The following EPB41L2 variants were observed in gnomAD, a reference collection of about 807,000 sequenced individuals.
The protein encoded by EPB41L2 is erythrocyte membrane protein band 4.1 like 2, also known as band 4.1-like protein 2.
In EPB41L2, 43 loss-of-function variants were observed where a neutral mutation model predicts 113.0. The observed-to-expected ratio is 0.38, with a 90% CI of 0.30 to 0.49. The LOEUF (loss-of-function observed/expected upper bound fraction) is 0.49. EPB41L2 is among the 20% of genes least tolerant of loss of function. The pLI, the probability that EPB41L2 is intolerant of heterozygous loss-of-function variation, is 0.95. For missense variants in EPB41L2, 1,147 were observed against 1,223.4 expected (o/e 0.94, Z 0.93); for synonymous variants, 442 against 436.7 (o/e 1.01, Z -0.15).
At chr6:130,933,572 T>C (rs1035938120) in intron 3 of EPB41L2, among the ~76,000 whole-genome samples, 4 of 152,174 alleles carry the variant, frequency 2.6e-5, no homozygotes, top group Non-Finnish European at 5.9e-5. Flanking sequence ...CTATATATTA[T>C]AGATACCCAC....
chr6:131,003,452 C>T (rs941189715), intron 1 of EPB41L2, among the ~76,000 whole-genome samples: 78 of 152,194 alleles, frequency 5.1e-4, no homozygotes, highest in African/African-American at 1.8e-3. Context: ...TCAGCCTCTT[C>T]GAAATACACT....
intron 3 of EPB41L2, among the ~76,000 whole-genome samples, chr6:130,934,070 G>C (rs750180722): frequency 6.6e-6 from 1 of 152,214 alleles, no homozygotes; most frequent in Non-Finnish European, 1.5e-5. Flanking sequence ...GGTATGCACA[G>C]AGCAAACACA....
intron 4 of EPB41L2, among the ~76,000 whole-genome samples, chr6:130,924,248 C>T (rs1405951578): frequency 6.6e-6 from 1 of 152,140 alleles, no homozygotes; most frequent in Non-Finnish European, 1.5e-5. Flanking sequence ...CATTAATGGA[C>T]ATTTATGTTG....
intron 1 of EPB41L2, among the ~76,000 whole-genome samples, chr6:130,966,468 C>T (rs772696426): frequency 1.3e-5 from 2 of 151,914 alleles, no homozygotes; most frequent in African/African-American, 2.4e-5. Context: ...GAAAGCAAAG[C>T]GTGTGGGAGA....
At chr6:131,055,358 T>C (rs1797395157) in intron 1 of EPB41L2, among the ~76,000 whole-genome samples, 1 of 152,288 alleles carries the variant, frequency 6.6e-6, no homozygotes, top group African/African-American at 2.4e-5. Flanking sequence ...TTTTCTAATA[T>C]TGAAAAATCA....
At chr6:130,934,973 A>C (rs1477858009) in intron 3 of EPB41L2, among the ~76,000 whole-genome samples, 2 of 152,140 alleles carry the variant, frequency 1.3e-5, no homozygotes, top group African/African-American at 2.4e-5. Context: ...AATAAACCAA[A>C]AAAAGGAAGG....
At chr6:130,903,056 T>C (rs1796729112) in intron 6 of EPB41L2, among the ~76,000 whole-genome samples, 2 of 152,170 alleles carry the variant, frequency 1.3e-5, no homozygotes, top group South Asian at 2.1e-4. Flanking sequence ...CAGACTATAT[T>C]GTTCCTCCCA....
intron 1 of EPB41L2, among the ~76,000 whole-genome samples, chr6:131,044,341 T>G: frequency 6.6e-6 from 1 of 151,958 alleles, no homozygotes; most frequent in Admixed American, 6.6e-5. Context: ...TGCTTTTTTG[T>G]TTAAAAAAAA....
intron 3 of EPB41L2, among the ~76,000 whole-genome samples, chr6:130,945,394 A>C (rs1354822138): frequency 1.3e-5 from 2 of 152,246 alleles, no homozygotes; most frequent in Non-Finnish European, 2.9e-5. Context: ...TTTTATCAAC[A>C]GAACACTGAT....
At chr6:130,856,887 A>T (rs1406220679) in intron 19 of EPB41L2, among the ~76,000 whole-genome samples, 2 of 151,644 alleles carry the variant, frequency 1.3e-5, no homozygotes, top group Non-Finnish European at 2.9e-5. Flanking sequence ...AGATTATTTC[A>T]ATTTTTTTTT....
At chr6:130,891,243 A>C (rs2128481117) in intron 10 of EPB41L2, among the ~76,000 whole-genome samples, 1 of 152,254 alleles carries the variant, frequency 6.6e-6, no homozygotes, top group Middle Eastern at 3.4e-3. Flanking sequence ...CCTATCATTT[A>C]CTATGGAAGA....
chr6:130,860,927 A>G (rs1452192158), intron 18 of EPB41L2, among the ~76,000 whole-genome samples: 1 of 152,202 alleles, frequency 6.6e-6, no homozygotes, highest in Non-Finnish European at 1.5e-5. Flanking sequence ...TGGAGCTGAA[A>G]GTATCATGAC....
At chr6:130,867,627 G>A in intron 15 of EPB41L2, 46 bp from the exon 16 acceptor site, 1 of 1,608,418 alleles carries the variant, frequency 6.2e-7, no homozygotes, top group Non-Finnish European at 8.5e-7. Context: ...AGGTAATAAA[G>A]TAAAAGTGTT....
chr6:130,901,063 G>A lies in EPB41L2; in HGVS notation c.1047C>T (p.Asp349=). 6.2e-7 allele frequency: 1 copy of A among 1,614,092 alleles called. No individual in the cohort carries two copies. The highest frequency in any genetic ancestry group is 8.5e-7 in the Non-Finnish European group (1 of 1,180,014). ...GGTCGATGCTGCCATGTTCTTCTGGGTCATAGTCACCAAGTTCAGCCTGCA... is the reference window on the plus strand; with the variant it reads ...GGTCGATGCTGCCATGTTCTTCTGGATCATAGTCACCAAGTTCAGCCTGCA... ...YTLQAELGDY[D]PEEHGSIDLS... Residue 349 remains aspartate, a synonymous_variant, in exon 7 of 20, where the codon GAC becomes GAT. Transcript: ENST00000337057.
intron 3 of EPB41L2, among the ~76,000 whole-genome samples, chr6:130,935,843 A>C (rs1808600126): frequency 6.6e-6 from 1 of 152,178 alleles, no homozygotes; most frequent in South Asian, 2.1e-4. Context: ...ACAGGTATGC[A>C]GAAGGCTATT....
chr6:130,894,542 C>A lies in EPB41L2; in HGVS notation c.1390-101G>T, dbSNP rs1793983744. The A allele has an allele frequency of 1.2e-5, 13 of 1,059,902 alleles. No homozygotes were observed. In the South Asian group the frequency reaches 1.7e-4, roughly 13 times the overall value. The allele number at this position is 1,059,902 out of a possible 1,614,324, so 65.7% of individuals were successfully genotyped here. ...GATGTTTCTGTGAGAAGCAATTATT[C>A]TTCTCAAAAAAGGTAAATATTGCAT... On this transcript the variant is annotated intron_variant, in intron 9 of 19. Transcript: ENST00000337057.
chr6:130,946,991 C>T (rs1813075466), intron 3 of EPB41L2, among the ~76,000 whole-genome samples: 1 of 150,798 alleles, frequency 6.6e-6, no homozygotes. Flanking sequence ...TGATGTGCAT[C>T]ATAAGCAATG....
chr6:131,060,037 CA>C (rs1798358570), intron 1 of EPB41L2, among the ~76,000 whole-genome samples: 1 of 152,106 alleles, frequency 6.6e-6, no homozygotes, highest in Admixed American at 6.5e-5. Context: ...AAACTAGTAG[CA>C]ATTCACACTT....
At chr6:131,007,488 AT>A (rs2128721127) in intron 1 of EPB41L2, among the ~76,000 whole-genome samples, 1 of 152,356 alleles carries the variant, frequency 6.6e-6, no homozygotes, top group East Asian at 1.9e-4. Flanking sequence ...CGCTGTAAAG[AT>A]AACCGAAAAT....
Sources: gnomAD v4.1 joint callset for allele counts (sites outside exome capture counted in the v4.1 genomes callset) on GRCh38, gnomAD v4.1.1 for gene constraint, MANE v1.5 for transcripts, NCBI Gene and HGNC (gene_info 2026-07-23, HGNC 2026-07-21) for gene names.